CPS1: variants seen among roughly 807,000 people sequenced by gnomAD.
CPS1 encodes the protein carbamoyl-phosphate synthase [ammonia], mitochondrial.
A neutral mutation model predicts 174.6 loss-of-function variants in CPS1; 109 were observed. The observed-to-expected ratio is 0.62, with a 90% CI of 0.53 to 0.73. The LOEUF (loss-of-function observed/expected upper bound fraction) is 0.73. CPS1 is among the 30% of genes least tolerant of loss of function. CPS1 has a pLI of 0.00. For synonymous variants in CPS1, 637 were observed against 632.0 expected (o/e 1.01, Z -0.12); for missense variants, 1,689 against 1,821.9 (o/e 0.93, Z 1.33).
chr2:210,576,923 T>G (rs1697729923), intron 3 of CPS1, among the ~76,000 whole-genome samples: 1 of 152,172 alleles, frequency 6.6e-6, no homozygotes, highest in African/African-American at 2.4e-5. Flanking sequence ...AAGGTAATTT[T>G]GGATACTCTC....
rs1445401765 is a variant in CPS1, at chr2:210,585,262, TA to T, written c.621+2554del. ...ATATACAAAGCCAGTAAATGGTAGT[TA>T]CAGTTGGTGGTAAAGAAATTGCACA... On this transcript the variant is annotated intron_variant, in intron 6 of 37. Transcript: ENST00000233072. Among the ~76,000 whole-genome samples, 3 of 152,034 alleles carry T rather than the reference TA, an allele frequency of 2.0e-5. No individual in the cohort carries two copies. The East Asian group carries it at 5.8e-4, about 29-fold the overall frequency.
At chr2:210,606,510 A>G (rs1233313417) in intron 17 of CPS1, among the ~76,000 whole-genome samples, 2 of 151,912 alleles carry the variant, frequency 1.3e-5, no homozygotes, top group African/African-American at 4.8e-5. Flanking sequence ...ATAGCTACTT[A>G]CTAGATAGAT....
At chr2:210,553,228 G>C (rs1559072855), upstream of CPS1, among the ~76,000 whole-genome samples, 1 of 151,608 alleles carries the variant, frequency 6.6e-6, no homozygotes, top group East Asian at 1.9e-4. Flanking sequence ...TCTGAGCATT[G>C]ACATAAATGC....
chr2:210,627,397 A>G (rs964528218), intron 21 of CPS1, among the ~76,000 whole-genome samples: 1 of 152,140 alleles, frequency 6.6e-6, no homozygotes, highest in African/African-American at 2.4e-5. Context: ...TTCCATGTTT[A>G]GGGAGGTGTG....
In CPS1 at chr2:210,577,429, T is replaced by A. The variant is rs577598098; in HGVS notation, c.390T>A (p.Gly130=). ...ACTGTCTGTCTTTCTAGGTTTCAGG[T>A]TTGCTGGTGCTGGATTATAGTAAAG... ...YLESNGIKVS[G]LLVLDYSKDY... is the part of the protein sequence containing the mutation. The change falls in exon 4 of 38, where the codon GGT becomes GGA. Residue 130 remains glycine (G), a synonymous_variant. Coordinates refer to ENST00000233072, the MANE Select transcript of CPS1 (RefSeq NM_001875.5). 38 of 1,613,552 alleles carry A rather than the reference T, an allele frequency of 2.4e-5. No individual in the cohort carries two copies. The South Asian group carries it at 3.8e-4, about 16-fold the overall frequency.
chr2:210,650,474 T>C, intron 28 of CPS1, 36 bp downstream of exon 28: 1 of 1,365,270 alleles, frequency 7.3e-7, no homozygotes. Flanking sequence ...CTGTTATCTC[T>C]TAATAAACAT....
chr2:210,514,057 G>A (rs745769618), intron 1 of CPS1, among the ~76,000 whole-genome samples: 40 of 151,842 alleles, frequency 2.6e-4, no homozygotes, highest in South Asian at 6.2e-4. Flanking sequence ...TGTTTTTGTA[G>A]CAGTAGCATG....
At chr2:210,597,893 C>T (rs1053221764) in intron 13 of CPS1, among the ~76,000 whole-genome samples, 4 of 151,484 alleles carry the variant, frequency 2.6e-5, no homozygotes, top group African/African-American at 9.7e-5. Context: ...TTTCTTTTAC[C>T]ATATGGTTTT....
intron 3 of CPS1, 56 bp downstream of exon 3, chr2:210,576,546 T>C (rs889021632): frequency 1.9e-6 from 3 of 1,602,540 alleles, no homozygotes; most frequent in Non-Finnish European, 2.6e-6. Context: ...ATAGTTGACT[T>C]ATTCTTAAGA....
chr2:210,489,303 C>A (rs6725303), intron 1 of CPS1, among the ~76,000 whole-genome samples: 37,287 of 152,094 alleles, frequency 0.25, 4,728 homozygotes, highest in Middle Eastern at 0.4. Flanking sequence ...TTGGTGGGTG[C>A]GGTATTTAAC....
intron 1 of CPS1, among the ~76,000 whole-genome samples, chr2:210,484,642 C>G (rs576079934): frequency 6.6e-6 from 1 of 152,280 alleles, no homozygotes; most frequent in Admixed American, 6.5e-5. Context: ...CGATGAGATG[C>G]CAGAACCACC....
rs911865284 is a variant in CPS1 at position 210,526,364 on chromosome 2, C to A, written c.4-30355C>A. Among the ~76,000 whole-genome samples the A allele has an allele frequency of 2.1e-5, 3 of 145,504 alleles. No homozygotes were observed. The South Asian group carries it at 6.8e-4, about 33-fold the overall frequency. ...ACCTGCACATTCTGTACATGTATCCCAGACCTTAAAATATATTAAAAAAAA... is the reference window on the plus strand; with the variant it reads ...ACCTGCACATTCTGTACATGTATCCAAGACCTTAAAATATATTAAAAAAAA... On this transcript the variant is annotated intron_variant, in intron 1 of 38. Transcript: ENST00000430249.
chr2:210,498,163 A>G (rs1384961707), intron 1 of CPS1, among the ~76,000 whole-genome samples: 1 of 151,672 alleles, frequency 6.6e-6, no homozygotes, highest in Non-Finnish European at 1.5e-5. Flanking sequence ...TTCTCTGATG[A>G]TTAGTTATGT....
chr2:210,620,474 A>C (rs889024988), intron 21 of CPS1, among the ~76,000 whole-genome samples: 3 of 152,096 alleles, frequency 2.0e-5, no homozygotes, highest in African/African-American at 7.2e-5. Context: ...TTGCATTGCT[A>C]TGAAGAAATA....
At chr2:210,658,325 GT>G (rs1700790547) in intron 30 of CPS1, 1 of 388,080 alleles carries the variant, frequency 2.6e-6, no homozygotes, top group African/African-American at 2.1e-5. Context: ...GTAAAACCAG[GT>G]TATATAATTG....
At chr2:210,642,382 A>G in intron 24 of CPS1, 102 bp from the exon 25 acceptor site, 2 of 1,369,126 alleles carry the variant, frequency 1.5e-6, no homozygotes, top group South Asian at 1.2e-5. Flanking sequence ...GAAAATCATT[A>G]GCTTCCTTAG....
intron 32 of CPS1, among the ~76,000 whole-genome samples, chr2:210,661,682 G>C (rs1021831316): frequency 2.6e-5 from 4 of 152,084 alleles, no homozygotes; most frequent in African/African-American, 9.7e-5. Flanking sequence ...CATGGAGACT[G>C]TGACAAACAT....
intron 16 of CPS1, among the ~76,000 whole-genome samples, chr2:210,603,244 C>T (rs986335654): frequency 6.6e-6 from 1 of 151,828 alleles, no homozygotes; most frequent in Non-Finnish European, 1.5e-5. Flanking sequence ...AAATAGCTCA[C>T]GGACAGCTTA....
At chr2:210,648,174 A>G in intron 26 of CPS1, 117 bp downstream of exon 26, 4 of 1,011,392 alleles carry the variant, frequency 4.0e-6, no homozygotes, top group Admixed American at 4.3e-5. Flanking sequence ...GAATGCATAC[A>G]CTTAGTGAAT....
Sources: gnomAD v4.1 joint callset for allele counts (sites outside exome capture counted in the v4.1 genomes callset) on GRCh38, gnomAD v4.1.1 for gene constraint, MANE v1.5 for transcripts, NCBI Gene and HGNC (gene_info 2026-07-23, HGNC 2026-07-21) for gene names.